TNNI3K: variants seen among roughly 807,000 people sequenced by gnomAD.
The protein encoded by TNNI3K is TNNI3 interacting kinase.
A neutral mutation model predicts 114.5 loss-of-function variants in TNNI3K; 140 were observed. The observed-to-expected ratio is 1.22, with a 90% CI of 1.07 to 1.41. TNNI3K has a LOEUF of 1.41. TNNI3K is among the 40% of genes most tolerant of loss of function. The probability of loss-of-function intolerance (pLI) is 0.00; values close to 1 mark genes in which losing one functional copy is unlikely to be tolerated. For synonymous variants in TNNI3K, 347 were observed against 347.5 expected (o/e 1.00, Z 0.02); for missense variants, 1,125 against 1,007.6 (o/e 1.12, Z -1.58).
chr1:74,389,353 A>G (rs1663644466), intron 17 of TNNI3K, among the ~76,000 whole-genome samples: 1 of 152,234 alleles, frequency 6.6e-6, no homozygotes, highest in South Asian at 2.1e-4. Flanking sequence ...TGATGCACAC[A>G]ATAAGATGCA....
chr1:74,240,852 T>C (rs972313367), intron 2 of TNNI3K: 1 of 152,074 alleles, frequency 6.6e-6, no homozygotes, highest in Non-Finnish European at 1.5e-5. Context: ...TACATATGTA[T>C]ACATGTGCCA....
At chr1:74,400,684 C>T (rs1664314244) in intron 17 of TNNI3K, among the ~76,000 whole-genome samples, 1 of 152,214 alleles carries the variant, frequency 6.6e-6, no homozygotes, top group Non-Finnish European at 1.5e-5. Context: ...TCTTGCTTCT[C>T]TAGGGAGGGG....
intron 23 of TNNI3K, among the ~76,000 whole-genome samples, chr1:74,497,902 C>G (rs1039863568): frequency 1.3e-5 from 2 of 152,110 alleles, no homozygotes; most frequent in Admixed American, 1.3e-4. Flanking sequence ...ATCATACGTT[C>G]CAGTGGTTCT....
At chr1:74,494,743 A>G (rs1294856779) in intron 23 of TNNI3K, among the ~76,000 whole-genome samples, 1 of 152,236 alleles carries the variant, frequency 6.6e-6, no homozygotes, top group African/African-American at 2.4e-5. Context: ...GACCTTGTCA[A>G]GTTATTTAAA....
intron 5 of TNNI3K, among the ~76,000 whole-genome samples, chr1:74,277,443 AT>A (rs1656751372): frequency 6.6e-6 from 1 of 152,186 alleles, no homozygotes; most frequent in African/African-American, 2.4e-5. Flanking sequence ...GAAACGGAAT[AT>A]GTTACTATAT....
At chr1:74,494,456 C>T (rs1378103542) in intron 23 of TNNI3K, among the ~76,000 whole-genome samples, 1 of 152,066 alleles carries the variant, frequency 6.6e-6, no homozygotes, top group African/African-American at 2.4e-5. Flanking sequence ...AAACTGGACA[C>T]CATTTTTTAT....
chr1:74,469,188 G>C (rs1360706278), intron 21 of TNNI3K: 1 of 152,574 alleles, frequency 6.6e-6, no homozygotes, highest in Non-Finnish European at 1.5e-5. Flanking sequence ...TTGAAGCTGA[G>C]ATCTCCACCT....
intron 5 of TNNI3K, among the ~76,000 whole-genome samples, chr1:74,317,454 G>A (rs542686845): frequency 6.6e-6 from 1 of 152,172 alleles, no homozygotes; most frequent in Non-Finnish European, 1.5e-5. Flanking sequence ...AAGAAGCTGG[G>A]GTACAGAGGG....
chr1:74,261,444 A>G (rs1655669349), intron 4 of TNNI3K, among the ~76,000 whole-genome samples: 1 of 152,160 alleles, frequency 6.6e-6, no homozygotes, highest in Non-Finnish European at 1.5e-5. Context: ...ATCTTTATAT[A>G]TAAATGTATA....
intron 9 of TNNI3K, among the ~76,000 whole-genome samples, chr1:74,347,250 G>T (rs1661059564): frequency 6.8e-6 from 1 of 147,742 alleles, no homozygotes. Flanking sequence ...AACATGCAGT[G>T]TTTGGTTTTT....
chr1:74,364,659 T>C (rs1045793105), intron 11 of TNNI3K, among the ~76,000 whole-genome samples: 5 of 151,822 alleles, frequency 3.3e-5, no homozygotes, highest in African/African-American at 4.8e-5. Flanking sequence ...CTTTAAGAGA[T>C]AGATTATCCT....
intron 11 of TNNI3K, among the ~76,000 whole-genome samples, chr1:74,359,199 A>G (rs1334156280): frequency 6.6e-6 from 1 of 151,954 alleles, no homozygotes; most frequent in Non-Finnish European, 1.5e-5. Context: ...TTCAGCATTT[A>G]CCCTCAAATT....
chr1:74,524,393 C>A (rs1035866376), intron 23 of TNNI3K, among the ~76,000 whole-genome samples: 4 of 152,154 alleles, frequency 2.6e-5, no homozygotes, highest in African/African-American at 9.7e-5. Flanking sequence ...TGTGCGGACT[C>A]CAGGGCTGCT....
At chr1:74,452,126 T>C (rs1238236280) in intron 20 of TNNI3K, among the ~76,000 whole-genome samples, 1 of 152,178 alleles carries the variant, frequency 6.6e-6, no homozygotes, top group East Asian at 1.9e-4. Flanking sequence ...ACCTCTCACA[T>C]TACTAACATC....
chr1:74,497,063 G>T (rs370828360), intron 23 of TNNI3K, among the ~76,000 whole-genome samples: 2 of 152,220 alleles, frequency 1.3e-5, no homozygotes, highest in South Asian at 4.1e-4. Context: ...TCCATCAAAG[G>T]TTTCTTTAAA....
intron 23 of TNNI3K, among the ~76,000 whole-genome samples, chr1:74,517,276 T>C (rs1390180657): frequency 1.3e-5 from 2 of 152,206 alleles, no homozygotes; most frequent in African/African-American, 4.8e-5. Flanking sequence ...TCAGGTCAGA[T>C]AGTAAATCAA....
intron 21 of TNNI3K, among the ~76,000 whole-genome samples, chr1:74,474,707 A>G (rs1668103820): frequency 6.6e-6 from 1 of 152,176 alleles, no homozygotes; most frequent in African/African-American, 2.4e-5. Flanking sequence ...GCCCATGTAC[A>G]GTGGGTAGAT....
chr1:74,463,307 C>T (rs1430468574), intron 20 of TNNI3K, 134 bp from the exon 21 acceptor site: 4 of 864,210 alleles, frequency 4.6e-6, no homozygotes, highest in South Asian at 3.2e-5. Flanking sequence ...GGGAAAAAAG[C>T]CTAGAGGTCT....
chr1:74,441,241 A>C lies in TNNI3K; in HGVS notation c.2011+1619A>C, dbSNP rs60904696. 7.8e-3 allele frequency among the ~76,000 whole-genome samples: 1,190 copies of C among 152,216 alleles called. 19 individuals carry two copies. Among genetic ancestry groups the C allele is most frequent in the African/African-American group, 0.027 (1,130 of 41,538 alleles). ...AGTTCCCAGTGCCTGTCTGGGATCA[A>C]TCCACTTCTCACACCTCCAGCCCTT... On this transcript the variant is annotated intron_variant, in intron 20 of 24. Coordinates refer to ENST00000326637, the MANE Select transcript of TNNI3K (RefSeq NM_015978.3).
Sources: gnomAD v4.1 joint callset for allele counts (sites outside exome capture counted in the v4.1 genomes callset) on GRCh38, gnomAD v4.1.1 for gene constraint, MANE v1.5 for transcripts, NCBI Gene and HGNC (gene_info 2026-07-23, HGNC 2026-07-21) for gene names.